NRXN3: variants seen among roughly 807,000 people sequenced by gnomAD.
The protein encoded by NRXN3 is neurexin III.
Under a neutral mutation model 137.6 loss-of-function variants are expected in NRXN3, and 32 were observed. That is an observed-to-expected ratio of 0.23 (90% CI 0.18 to 0.31). The LOEUF is 0.31. Among genes scored for constraint, NRXN3 ranks in the 10% least tolerant of loss-of-function variants. The pLI, the probability that NRXN3 is intolerant of heterozygous loss-of-function variation, is 1.00. For missense variants in NRXN3, 1,574 were observed against 2,062.5 expected, an observed-to-expected ratio of 0.76 and a Z score of 4.59; for synonymous variants, 798 against 784.5, an observed-to-expected ratio of 1.02 and a Z score of -0.29.
In NRXN3 at chr14:78,982,831, T is replaced by A. The variant is rs8007232; in HGVS notation, c.3143-5191T>A. Among the ~76,000 whole-genome samples the A allele has an allele frequency of 5.0e-3, 755 of 152,152 alleles. 6 individuals carry two copies. Among genetic ancestry groups the A allele is most frequent in the African/African-American group, 0.017 (723 of 41,528 alleles). On this transcript the variant is annotated intron_variant, in intron 14 of 20. Transcript: ENST00000335750. Reference sequence around the variant, plus strand: ...AGGTTCTGCACATCAAGAAAACAATTAATAGAGTGAAGAAGTAACCCATAG... The same window carrying A: ...AGGTTCTGCACATCAAGAAAACAATAAATAGAGTGAAGAAGTAACCCATAG...
chr14:78,825,631 A>G (rs1281138865), intron 10 of NRXN3, among the ~76,000 whole-genome samples: 4 of 152,228 alleles, frequency 2.6e-5, no homozygotes, highest in Non-Finnish European at 2.9e-5. Flanking sequence ...ACTCGTAACA[A>G]TGGAAACATC....
In NRXN3 at chr14:79,189,196, A is replaced by T. The variant is rs551190728; in HGVS notation, c.3262+201055A>T. Among the ~76,000 whole-genome samples, 916 of 152,144 alleles carry T rather than the reference A, an allele frequency of 6.0e-3. 11 individuals carry two copies. Among genetic ancestry groups the T allele is most frequent in the African/African-American group, 0.021 (853 of 41,494 alleles). On this transcript the variant is annotated intron_variant, in intron 15 of 20. Transcript: ENST00000335750. ...ATGTGGCACATATACACCATGGAAT[A>T]CTATGCAGCCATAAAAAATGATGAG...
intron 20 of NRXN3, among the ~76,000 whole-genome samples, chr14:79,813,766 T>G (rs2099242980): frequency 6.6e-6 from 1 of 152,188 alleles, no homozygotes; most frequent in Non-Finnish European, 1.5e-5. Flanking sequence ...TACCCCCATA[T>G]CTGCATGGAC....
intron 10 of NRXN3, among the ~76,000 whole-genome samples, chr14:78,916,182 A>G (rs1009512681): frequency 3.3e-5 from 5 of 152,172 alleles, no homozygotes; most frequent in African/African-American, 2.4e-5. Context: ...GGCACTATTA[A>G]TAATTACACT....
chr14:78,276,388 T>G (rs1394699188), intron 2 of NRXN3, among the ~76,000 whole-genome samples: 1 of 152,170 alleles, frequency 6.6e-6, no homozygotes, highest in Non-Finnish European at 1.5e-5. Context: ...ATCACTGGCT[T>G]CATTCCTGTG....
intron 8 of NRXN3, among the ~76,000 whole-genome samples, chr14:78,731,902 A>G (rs752319599): frequency 6.6e-6 from 1 of 152,236 alleles, no homozygotes; most frequent in Non-Finnish European, 1.5e-5. Flanking sequence ...AATGACTTCA[A>G]AGTAGCTATA....
chr14:79,101,962 A>G (rs1198754420), intron 15 of NRXN3, among the ~76,000 whole-genome samples: 1 of 152,290 alleles, frequency 6.6e-6, no homozygotes, highest in East Asian at 1.9e-4. Flanking sequence ...GTGAAGGCAG[A>G]GACAGAGGCT....
intron 4 of NRXN3, among the ~76,000 whole-genome samples, chr14:78,423,574 G>C (rs2093543309): frequency 6.6e-6 from 1 of 152,066 alleles, no homozygotes; most frequent in Admixed American, 6.6e-5. Flanking sequence ...GGTGGAGTGG[G>C]GAGACAGAAG....
At chr14:79,414,934 A>T (rs561802141) in intron 15 of NRXN3, among the ~76,000 whole-genome samples, 1 of 152,216 alleles carries the variant, frequency 6.6e-6, no homozygotes, top group African/African-American at 2.4e-5. Context: ...TTTTAGATTC[A>T]ATATATAAGT....
intron 15 of NRXN3, among the ~76,000 whole-genome samples, chr14:79,171,537 C>T (rs1425245132): frequency 6.6e-6 from 1 of 152,134 alleles, no homozygotes; most frequent in African/African-American, 2.4e-5. Context: ...CCTTACCCAT[C>T]TATTTCAATA....
chr14:79,257,328 G>A (rs1191983366), intron 15 of NRXN3, among the ~76,000 whole-genome samples: 1 of 129,822 alleles, frequency 7.7e-6, no homozygotes, highest in African/African-American at 2.9e-5. Flanking sequence ...TCTGTGGATA[G>A]CAATTGTCTT....
intron 1 of NRXN3, among the ~76,000 whole-genome samples, chr14:78,199,774 G>A (rs1405328653): frequency 1.3e-5 from 2 of 152,222 alleles, no homozygotes; most frequent in Non-Finnish European, 2.9e-5. Flanking sequence ...GAGCCCTGAA[G>A]GCTGTTGTGT....
At chr14:78,662,768 G>A (rs2097851553) in intron 6 of NRXN3, among the ~76,000 whole-genome samples, 1 of 152,168 alleles carries the variant, frequency 6.6e-6, no homozygotes, top group African/African-American at 2.4e-5. Context: ...GGCTTTACAT[G>A]TCCCACAAAC....
chr14:79,458,784 T>C (rs2096289041), intron 15 of NRXN3, among the ~76,000 whole-genome samples: 1 of 152,148 alleles, frequency 6.6e-6, no homozygotes, highest in African/African-American at 2.4e-5. Flanking sequence ...TCATTATAAA[T>C]TTACCCTTCA....
At chr14:78,963,659 T>G (rs1021080272) in intron 11 of NRXN3, among the ~76,000 whole-genome samples, 3 of 152,258 alleles carry the variant, frequency 2.0e-5, no homozygotes, top group Non-Finnish European at 4.4e-5. Context: ...CATTTTGATT[T>G]TTATATTTAA....
rs143076153 is a variant in NRXN3, at chr14:78,821,768, G to T, written c.2275+11424G>T. On this transcript the variant is annotated intron_variant, in intron 10 of 20. Transcript: ENST00000335750. Reference sequence around the variant, plus strand: ...AAGGATTACCATTTCCTTACAAAAAGAAATTGATAATTGAAATTAAACTCA... The same window carrying T: ...AAGGATTACCATTTCCTTACAAAAATAAATTGATAATTGAAATTAAACTCA... Among the ~76,000 whole-genome samples the T allele has an allele frequency of 3.0e-3, 455 of 152,174 alleles. 6 individuals are homozygous for T. The highest frequency in any genetic ancestry group is 0.011 in the African/African-American group (441 of 41,538).
At chr14:79,737,363 A>G (rs1460864473) in intron 19 of NRXN3, among the ~76,000 whole-genome samples, 2 of 152,224 alleles carry the variant, frequency 1.3e-5, no homozygotes, top group East Asian at 3.9e-4. Flanking sequence ...TCAGCTAAAT[A>G]ATGGAAAATT....
Position 78,243,519 on chromosome 14 carries a change from T to C in NRXN3, c.426T>C (p.Asp142=), listed in dbSNP as rs1389631599. Residue 142 remains aspartate (D), a synonymous_variant, in exon 2 of 21, where the codon GAT becomes GAC. Transcript: ENST00000335750. This position sits in a 1 kb window ranked among gnomAD's most constrained non-coding sequence, Gnocchi z 4.2. The part of the protein sequence containing the change: ...GELQPQRPYM[D]VVSDLFLGGV... ...TGCAGCCCCAGCGGCCCTACATGGA[T>C]GTGGTCAGTGACTTGTTCCTTGGTG... is the stretch of plus-strand genomic sequence containing the variant. 1 of 1,596,328 alleles carries C rather than the reference T, an allele frequency of 6.3e-7. No individual in the cohort carries two copies. Among genetic ancestry groups the C allele is most frequent in the Non-Finnish European group, 8.5e-7 (1 of 1,178,870 alleles).
chr14:79,668,428 T>C (rs1322899342), intron 17 of NRXN3, among the ~76,000 whole-genome samples: 1 of 152,104 alleles, frequency 6.6e-6, no homozygotes, highest in African/African-American at 2.4e-5. Flanking sequence ...AAGGTTACGT[T>C]ATCAAGGCTC....
Sources: gnomAD v4.1 joint callset for allele counts (sites outside exome capture counted in the v4.1 genomes callset) on GRCh38, gnomAD v4.1.1 for gene constraint, Gnocchi (gnomAD v3.1) non-coding constraint, MANE v1.5 for transcripts, NCBI Gene and HGNC (gene_info 2026-07-23, HGNC 2026-07-21) for gene names.